Variants in CAMKK2 observed in about 807,000 individuals in gnomAD.
The protein encoded by CAMKK2 is calcium/calmodulin-dependent protein kinase kinase 2.
A neutral mutation model predicts 67.2 loss-of-function variants in CAMKK2; 30 were observed. That is an observed-to-expected ratio of 0.45 (90% CI 0.33 to 0.61). CAMKK2 has a LOEUF of 0.61. Among genes scored for constraint, CAMKK2 ranks in the 20% least tolerant of loss-of-function variants. The pLI is 0.02. For synonymous variants in CAMKK2, 322 were observed against 326.2 expected (o/e 0.99, Z 0.14); for missense variants, 643 against 802.0 (o/e 0.80, Z 2.39).
chr12:121,283,728 T>C (rs1438126329), intron 1 of CAMKK2, among the ~76,000 whole-genome samples: 1 of 152,148 alleles, frequency 6.6e-6, no homozygotes, highest in Non-Finnish European at 1.5e-5. Flanking sequence ...GGCGGGAGGA[T>C]GGCTTGAGCC....
chr12:121,270,830 G>A (rs867829782), intron 3 of CAMKK2, 68 bp downstream of exon 3: 15 of 1,276,218 alleles, frequency 1.2e-5, no homozygotes, highest in Admixed American at 6.8e-5. Context: ...GCTTTACCCC[G>A]TTCCCTCCAC....
At chr12:121,284,595 G>A (rs1898381228) in intron 1 of CAMKK2, among the ~76,000 whole-genome samples, 1 of 152,154 alleles carries the variant, frequency 6.6e-6, no homozygotes, top group East Asian at 1.9e-4. Flanking sequence ...AAAGTGCTGG[G>A]ATTACAGGCA....
At chr12:121,251,826 CAAAAAA>C (rs35539013) in intron 11 of CAMKK2, among the ~76,000 whole-genome samples, 1 of 85,704 alleles carries the variant, frequency 1.2e-5, no homozygotes, top group South Asian at 4.2e-4. Context: ...GACTCCATCT[CAAAAAA>C]AAAAAAAAAA....
At chr12:121,243,695 G>C (rs991000530) in intron 16 of CAMKK2, 6 of 235,246 alleles carry the variant, frequency 2.6e-5, no homozygotes, top group Admixed American at 1.6e-4. Flanking sequence ...AGGAGTGTAG[G>C]GTGTCTTCTT....
At chr12:121,244,851 C>T (rs1183295052) in intron 15 of CAMKK2, among the ~76,000 whole-genome samples, 2 of 152,218 alleles carry the variant, frequency 1.3e-5, no homozygotes, top group African/African-American at 2.4e-5. Flanking sequence ...CAGGCACTCA[C>T]GGTCCCGGGC....
Position 121,255,329 on chromosome 12 carries a change from A to ATT in CAMKK2, c.907+219_907+220dup, listed in dbSNP as rs1491300441. 3.7e-3 allele frequency among the ~76,000 whole-genome samples: 44 copies of ATT among 11,862 alleles called. 1 individual carries two copies. Among genetic ancestry groups the ATT allele is most frequent in the Non-Finnish European group, 5.9e-3 (38 of 6,474 alleles). 7.8% of individuals were successfully genotyped at this position (11,862 alleles called of 152,430 possible). A position where few individuals can be genotyped will look rare whatever the true frequency, so the allele number is the denominator to read the frequency against. On this transcript the variant is annotated intron_variant, in intron 9 of 16. Transcript: ENST00000404169. ...TTATATATAATTTTATATATATATA[A>ATT]TTATATATAATTTTATATATATAAT...
chr12:121,282,467 T>C (rs1282758618), intron 1 of CAMKK2, among the ~76,000 whole-genome samples: 2 of 152,018 alleles, frequency 1.3e-5, no homozygotes, highest in Non-Finnish European at 2.9e-5. Flanking sequence ...GAAGTTAAAA[T>C]GAGGTCATTA....
chr12:121,268,085 T>TAC (rs1894983552), intron 5 of CAMKK2, among the ~76,000 whole-genome samples: 1 of 142,046 alleles, frequency 7.0e-6, no homozygotes, highest in Non-Finnish European at 1.5e-5. Flanking sequence ...ATTGGATGCA[T>TAC]ATATATATAT....
intron 1 of CAMKK2, among the ~76,000 whole-genome samples, chr12:121,284,057 G>C (rs113594927): frequency 2.0e-5 from 3 of 152,222 alleles, no homozygotes; most frequent in Admixed American, 2.0e-4. Flanking sequence ...CAGGCTGCCT[G>C]CCACGGCCCA....
Position 121,249,829 on chromosome 12 carries a change from C to A in CAMKK2, c.1281G>T (p.Leu427=), listed in dbSNP as rs1191225348. Residue 427 remains leucine (L), a synonymous_variant, in exon 13 of 17, where the codon CTG becomes CTT. Transcript: ENST00000404169. ...CGATCCTCGACTCGGGGTTCTTGTCCAGCATACGGGTGATCAGGTCCTTCA... is the reference window on the plus strand; with the variant it reads ...CGATCCTCGACTCGGGGTTCTTGTCAAGCATACGGGTGATCAGGTCCTTCA... ...EDLKDLITRM[L]DKNPESRIVV... is the part of the protein sequence containing the mutation. 7 of 1,614,074 alleles carry A rather than the reference C, an allele frequency of 4.3e-6. No individual in the cohort carries two copies. Among genetic ancestry groups the A allele is most frequent in the Non-Finnish European group, 5.9e-6 (7 of 1,180,040 alleles).
intron 7 of CAMKK2, among the ~76,000 whole-genome samples, chr12:121,256,531 T>C (rs566153659): frequency 6.6e-6 from 1 of 152,154 alleles, no homozygotes; most frequent in Non-Finnish European, 1.5e-5. Flanking sequence ...GAAAACCTCA[T>C]ACCCATTAGC....
intron 1 of CAMKK2, among the ~76,000 whole-genome samples, chr12:121,284,473 G>A (rs1220023602): frequency 2.6e-5 from 4 of 151,998 alleles, no homozygotes; most frequent in Non-Finnish European, 4.4e-5. Flanking sequence ...TTACAGGCAC[G>A]CCACCATGCC....
chr12:121,289,666 G>A (rs1899566100), intron 1 of CAMKK2, among the ~76,000 whole-genome samples: 1 of 152,140 alleles, frequency 6.6e-6, no homozygotes, highest in Non-Finnish European at 1.5e-5. Flanking sequence ...ACTGAGGCGG[G>A]CGGATCACCT....
At chr12:121,282,738 C>A (rs1151892) in intron 1 of CAMKK2, among the ~76,000 whole-genome samples, 1 of 150,716 alleles carries the variant, frequency 6.6e-6, no homozygotes, top group East Asian at 1.9e-4. Context: ...CAGAATATAT[C>A]TCTGTTCTTT....
In CAMKK2 at chr12:121,268,635, C is replaced by A; in HGVS notation, c.625+3G>T. The A allele has an allele frequency of 6.2e-7, 1 of 1,614,032 alleles. No individual in the cohort carries two copies. Among genetic ancestry groups the A allele is most frequent in the Non-Finnish European group, 8.5e-7 (1 of 1,179,920 alleles). On this transcript the variant is annotated splice_donor_region_variant and intron_variant, in intron 5 of 16. Coordinates refer to ENST00000404169, the MANE Select transcript of CAMKK2 (RefSeq NM_001270485.2). Reference sequence around the variant, plus strand: ...CCTAACAACAAAGGCCCGCCAAACTCACGTGGAAAGCCGGCCTGCCGGATC... The same window carrying A: ...CCTAACAACAAAGGCCCGCCAAACTAACGTGGAAAGCCGGCCTGCCGGATC...
intron 16 of CAMKK2, among the ~76,000 whole-genome samples, chr12:121,241,981 G>C (rs1404766906): frequency 1.3e-5 from 2 of 152,298 alleles, no homozygotes; most frequent in African/African-American, 4.8e-5. Context: ...GAAAGGAAGG[G>C]GCAGCATAGC....
At chr12:121,250,080 C>G in intron 11 of CAMKK2, 46 bp from the exon 12 acceptor site, 1 of 1,506,078 alleles carries the variant, frequency 6.6e-7, no homozygotes, top group Non-Finnish European at 9.1e-7. Context: ...GCGGCCACAT[C>G]TGCCCTTCGA....
At chr12:121,270,768 G>A in intron 3 of CAMKK2, 130 bp downstream of exon 3, 1 of 668,100 alleles carries the variant, frequency 1.5e-6, no homozygotes, top group Non-Finnish European at 2.7e-6. Flanking sequence ...GATCATTAAT[G>A]ACAAAACCCT....
chr12:121,261,919 G>A (rs751163901), intron 6 of CAMKK2, among the ~76,000 whole-genome samples: 4 of 152,190 alleles, frequency 2.6e-5, no homozygotes, highest in South Asian at 2.1e-4. Context: ...AGTCCTTGTC[G>A]TCTAGACCAG....
Sources: gnomAD v4.1 joint callset for allele counts (sites outside exome capture counted in the v4.1 genomes callset) on GRCh38, gnomAD v4.1.1 for gene constraint, MANE v1.5 for transcripts, NCBI Gene and HGNC (gene_info 2026-07-23, HGNC 2026-07-21) for gene names.